Variants in CRLS1 observed in about 807,000 individuals in gnomAD.
CRLS1 encodes the protein cardiolipin synthase (CMP-forming).
In CRLS1, 24 loss-of-function variants were observed where a neutral mutation model predicts 37.0. The observed-to-expected ratio is 0.65, with a 90% CI of 0.47 to 0.91. CRLS1 has a LOEUF of 0.91. Among genes scored for constraint, CRLS1 ranks in the 40% least tolerant of loss-of-function variants. CRLS1 has a pLI of 0.00. For synonymous variants in CRLS1, 135 were observed against 159.7 expected (o/e 0.85, Z 1.17); for missense variants, 373 against 395.8 (o/e 0.94, Z 0.49).
intron 3 of CRLS1, among the ~76,000 whole-genome samples, chr20:6,018,341 A>AT (rs1204984055): frequency 9.9e-5 from 15 of 152,158 alleles, no homozygotes; most frequent in African/African-American, 3.6e-4. Context: ...AACAATATAC[A>AT]TATAAATTTG....
At chr20:6,008,331 G>A (rs1439113954) in intron 1 of CRLS1, among the ~76,000 whole-genome samples, 1 of 152,144 alleles carries the variant, frequency 6.6e-6, no homozygotes, top group African/African-American at 2.4e-5. Flanking sequence ...TAGGCTTCAG[G>A]GAAAGGCGTT....
intron 5 of CRLS1, among the ~76,000 whole-genome samples, chr20:6,033,561 C>T (rs1980340731): frequency 6.6e-6 from 1 of 152,184 alleles, no homozygotes; most frequent in African/African-American, 2.4e-5. Flanking sequence ...GAGTGCTTCT[C>T]ATGATGATAG....
At chr20:6,027,120 G>C (rs1355675413) in intron 3 of CRLS1, among the ~76,000 whole-genome samples, 2 of 141,258 alleles carry the variant, frequency 1.4e-5, no homozygotes, top group African/African-American at 2.6e-5. Flanking sequence ...GTTTCGCTCT[G>C]TCACCTAGGC....
chr20:6,033,958 C>G (rs1206544037), intron 5 of CRLS1, among the ~76,000 whole-genome samples: 1 of 152,162 alleles, frequency 6.6e-6, no homozygotes, highest in African/African-American at 2.4e-5. Context: ...AGATGAGTGC[C>G]TTTTAATTTT....
At chr20:6,011,513 T>G (rs1354364871) in intron 2 of CRLS1, among the ~76,000 whole-genome samples, 2 of 147,828 alleles carry the variant, frequency 1.4e-5, no homozygotes, top group East Asian at 4.2e-4. Context: ...TAGCGTCTAC[T>G]AATATTTGTC....
At chr20:6,034,320 A>C in intron 5 of CRLS1, 144 bp from the exon 6 acceptor site, 1 of 602,618 alleles carries the variant, frequency 1.7e-6, no homozygotes, top group East Asian at 2.8e-5. Flanking sequence ...ATGCAAGCTT[A>C]TTGGGCAGGG....
At chr20:6,017,279 C>A (rs1978834699) in intron 3 of CRLS1, among the ~76,000 whole-genome samples, 1 of 152,210 alleles carries the variant, frequency 6.6e-6, no homozygotes, top group African/African-American at 2.4e-5. Flanking sequence ...GAGATTCCAA[C>A]TTGCTACGGA....
At chr20:6,022,667 T>G (rs1979373203) in intron 3 of CRLS1, among the ~76,000 whole-genome samples, 1 of 152,228 alleles carries the variant, frequency 6.6e-6, no homozygotes, top group Admixed American at 6.5e-5. Flanking sequence ...CAATTTTGCT[T>G]TCTTGTGGCT....
intron 3 of CRLS1, among the ~76,000 whole-genome samples, chr20:6,024,417 C>G (rs1327057565): frequency 6.6e-6 from 1 of 152,162 alleles, no homozygotes; most frequent in Non-Finnish European, 1.5e-5. Flanking sequence ...CAACTTCTTC[C>G]AAAATCCTGT....
At chr20:6,026,311 G>GTT (rs1292407164) in intron 3 of CRLS1, 1 of 140,196 alleles carries the variant, frequency 7.1e-6, no homozygotes, top group African/African-American at 3.0e-5. Context: ...TGGTGTGAGT[G>GTT]TTTGTGTGTG....
At chr20:6,006,578 G>C in intron 1 of CRLS1, 26 bp downstream of exon 1, 3 of 1,258,224 alleles carry the variant, frequency 2.4e-6, no homozygotes, top group Non-Finnish European at 3.0e-6. Flanking sequence ...GCGGCGGCGG[G>C]CCGGCCCTGG....
chr20:6,034,601 C>T (rs1055965954), intron 6 of CRLS1, 46 bp downstream of exon 6: 5 of 1,348,986 alleles, frequency 3.7e-6, no homozygotes, highest in Middle Eastern at 1.8e-4. Context: ...AACAGAATGA[C>T]TTATGGTGAT....
At chr20:6,036,548 TAA>T (rs915222051) in intron 6 of CRLS1, among the ~76,000 whole-genome samples, 6 of 152,142 alleles carry the variant, frequency 3.9e-5, no homozygotes, top group Non-Finnish European at 8.8e-5. Context: ...CTGCAGGAAA[TAA>T]GAGTCTGGTA....
chr20:6,032,390 G>T (rs1980234073), intron 5 of CRLS1, among the ~76,000 whole-genome samples: 1 of 146,614 alleles, frequency 6.8e-6, no homozygotes, highest in Non-Finnish European at 1.5e-5. Flanking sequence ...TTTGAGACAA[G>T]GTCTTACTTT....
intron 6 of CRLS1, among the ~76,000 whole-genome samples, chr20:6,035,690 T>A (rs919506258): frequency 3.3e-5 from 5 of 152,190 alleles, no homozygotes; most frequent in Non-Finnish European, 7.3e-5. Flanking sequence ...GGCATGATCA[T>A]AGCTCACTGT....
At chr20:6,025,707 A>T (rs566293172) in intron 3 of CRLS1, among the ~76,000 whole-genome samples, 2 of 152,364 alleles carry the variant, frequency 1.3e-5, no homozygotes, top group South Asian at 4.1e-4. Context: ...TTGGTGATTC[A>T]TGGGAGAAAG....
intron 2 of CRLS1, among the ~76,000 whole-genome samples, chr20:6,013,017 C>T (rs1568617651): frequency 6.6e-6 from 1 of 152,052 alleles, no homozygotes; most frequent in Admixed American, 6.5e-5. Context: ...TCGATGAACA[C>T]ATGTGAGATG....
intron 3 of CRLS1, among the ~76,000 whole-genome samples, chr20:6,031,003 A>C (rs905331021): frequency 9.2e-5 from 14 of 152,198 alleles, no homozygotes; most frequent in Admixed American, 2.0e-4. Flanking sequence ...ACATGCAAGA[A>C]AAAAACACAA....
intron 2 of CRLS1, among the ~76,000 whole-genome samples, chr20:6,010,215 T>C (rs2090115432): frequency 6.6e-6 from 1 of 152,158 alleles, no homozygotes; most frequent in Admixed American, 6.5e-5. Context: ...GAGTGCTTGC[T>C]TTAGGGATAG....
Sources: allele counts gnomAD v4.1 joint callset (sites outside exome capture counted in the v4.1 genomes callset), GRCh38; gene constraint gnomAD v4.1.1; transcripts MANE v1.5; gene names NCBI Gene and HGNC (gene_info 2026-07-23, HGNC 2026-07-21).